The following ALMS1 variants were observed in gnomAD, a reference collection of about 807,000 sequenced individuals.
The protein encoded by ALMS1 is centrosome-associated protein ALMS1.
In ALMS1, 271 loss-of-function variants were observed where a neutral mutation model predicts 352.2. The ratio of observed to expected loss-of-function variants is 0.77; its 90% confidence interval spans 0.70 to 0.85. The LOEUF (loss-of-function observed/expected upper bound fraction) is 0.85. Ranked by LOEUF, ALMS1 falls within the 40% of genes least tolerant of loss-of-function variation. The pLI is 0.00. For missense variants in ALMS1, 5,445 were observed against 4,870.7 expected (o/e 1.12, Z -3.51); for synonymous variants, 1,865 against 1,761.2 (o/e 1.06, Z -1.48).
In ALMS1 at chr2:73,601,719, G is replaced by A. The variant is rs537007909; in HGVS notation, c.12114+283G>A. 9.2e-5 allele frequency among the ~76,000 whole-genome samples: 14 copies of A among 152,382 alleles called. No homozygotes were observed. In the East Asian group the frequency reaches 2.5e-3, roughly 27 times the overall value. On this transcript the variant is annotated intron_variant, in intron 19 of 22. Transcript: ENST00000613296. ...CTGCTTATTGGGCCTGTGGGTCCCT[G>A]TGTGTGGAGGGCCCGGAGGCCTGAC...
In ALMS1 at chr2:73,449,951, A is replaced by G. The variant is rs1558648665; in HGVS notation, c.3424A>G (p.Thr1142Ala). The change falls in exon 8 of 23, where the codon ACT becomes GCT. Residue 1142 changes from threonine to alanine, a missense_variant. Thr to Ala is a moderately conservative substitution (Grantham distance 58). Transcript: ENST00000613296. ...GACTGGCACACCAACTGTAACCTCA[A>G]CTTCCTACTCACAACATAGAGAAAA... ...QKTGTPTVTSTSYSQHREKPS... is the reference protein window; with the variant it reads ...QKTGTPTVTSASYSQHREKPS... 3.1e-6 allele frequency: 5 copies of G among 1,613,812 alleles called. No individual in the cohort carries two copies. Among genetic ancestry groups the G allele is most frequent in the Non-Finnish European group, 4.2e-6 (5 of 1,179,916 alleles).
At chr2:73,489,457 C>T (rs1406664060) in intron 9 of ALMS1, among the ~76,000 whole-genome samples, 177 bp from the exon 10 acceptor site, 1 of 152,136 alleles carries the variant, frequency 6.6e-6, no homozygotes, top group African/African-American at 2.4e-5. Flanking sequence ...CCATTTTATT[C>T]TGTAGTTAAC....
At chr2:73,478,542 C>G (rs914663624) in intron 9 of ALMS1, among the ~76,000 whole-genome samples, 4 of 152,066 alleles carry the variant, frequency 2.6e-5, no homozygotes, top group Non-Finnish European at 2.9e-5. Context: ...CAGGAGGTAT[C>G]AAGGCAATAA....
At chr2:73,576,600 T>G (rs1675058296) in intron 16 of ALMS1, among the ~76,000 whole-genome samples, 1 of 150,104 alleles carries the variant, frequency 6.7e-6, no homozygotes, top group African/African-American at 2.5e-5. Context: ...CTATTGAGAT[T>G]ACTAGTTTTT....
chr2:73,590,016 C>G (rs1675391267), intron 16 of ALMS1, among the ~76,000 whole-genome samples: 1 of 151,672 alleles, frequency 6.6e-6, no homozygotes, highest in Non-Finnish European at 1.5e-5. Context: ...ACTAGTAAAA[C>G]AAGTTTCTAT....
In ALMS1 at chr2:73,460,609, C is replaced by T. The variant is rs560937629; in HGVS notation, c.7674+5314C>T. ...AGTGGGTGTAGGACAGTGGGTGCAG[C>T]GCACCATTCACAAGCCGAAGCAGGG... On this transcript the variant is annotated intron_variant, in intron 9 of 22. Transcript: ENST00000613296. Among the ~76,000 whole-genome samples, 11 of 152,260 alleles carry T rather than the reference C, an allele frequency of 7.2e-5. No individual in the cohort carries two copies. In the East Asian group the frequency reaches 1.2e-3, roughly 16 times the overall value.
At chr2:73,447,838 G>T in intron 7 of ALMS1, 122 bp from the exon 8 acceptor site, 1 of 1,265,720 alleles carries the variant, frequency 7.9e-7, no homozygotes, top group Non-Finnish European at 1.0e-6. Flanking sequence ...CTCCTTTGAT[G>T]GCTGTTTCCT....
intron 12 of ALMS1, among the ~76,000 whole-genome samples, chr2:73,549,337 A>G (rs1042720534): frequency 6.6e-6 from 1 of 151,876 alleles, no homozygotes; most frequent in African/African-American, 2.4e-5. Context: ...TTGTATTGTC[A>G]GATTAATCTT....
At position 73,490,285 on chromosome 2, in the gene ALMS1, A is replaced by T; in HGVS notation, c.8326A>T (p.Met2776Leu). 6.2e-7 allele frequency: 1 copy of T among 1,613,420 alleles called. No individual in the cohort carries two copies. Among genetic ancestry groups the T allele is most frequent in the Non-Finnish European group, 8.5e-7 (1 of 1,179,762 alleles). ...AACCTCTTCCCCTTCATCATTTAAA[A>T]TGCATAGTAATTCACAAGATAAAGA... ...QKTSSPSSFK[M>L]HSNSQDKEVT... The change falls in exon 10 of 23, where the codon ATG becomes TTG. Residue 2776 changes from methionine (M) to leucine (L), a missense_variant. Coordinates refer to ENST00000613296, the MANE Select transcript of ALMS1 (RefSeq NM_001378454.1).
intron 11 of ALMS1, among the ~76,000 whole-genome samples, chr2:73,533,155 TC>T (rs1437130327): frequency 6.6e-6 from 1 of 152,206 alleles, no homozygotes; most frequent in Non-Finnish European, 1.5e-5. Context: ...AAGGACCCTC[TC>T]CTGGAGCAAG....
chr2:73,608,362 G>A, intron 21 of ALMS1, 113 bp from the exon 22 acceptor site: 1 of 857,378 alleles, frequency 1.2e-6, no homozygotes, highest in South Asian at 1.3e-5. Flanking sequence ...TTCTGAGAGG[G>A]ATGAGCTCCT....
chr2:73,487,504 T>G (rs1422585683), intron 9 of ALMS1, among the ~76,000 whole-genome samples: 2 of 152,022 alleles, frequency 1.3e-5, no homozygotes, highest in Non-Finnish European at 2.9e-5. Flanking sequence ...CCAAAGAGGG[T>G]GTCATAGTCC....
At position 73,572,465 on chromosome 2, in the gene ALMS1, C is replaced by T. The variant is rs781331448; in HGVS notation, c.10588C>T (p.Leu3530Phe). Residue 3530 changes from leucine (L) to phenylalanine (F), a missense_variant, in exon 16 of 23, where the codon CTT (leucine) becomes TTT (phenylalanine). Leu to Phe is a conservative substitution (Grantham distance 22). Coordinates refer to ENST00000613296, the MANE Select transcript of ALMS1 (RefSeq NM_001378454.1). Reference sequence around the variant, plus strand: ...ACATAGAGAACACATGTGTCTTCCTCTTCCTTATCAAAACATGGACAAGAC... The same window carrying T: ...ACATAGAGAACACATGTGTCTTCCTTTTCCTTATCAAAACATGGACAAGAC... ...DKHREHMCLP[L>F]PYQNMDKTKT... is the part of the protein sequence containing the mutation. 5 of 1,613,948 alleles carry T rather than the reference C, an allele frequency of 3.1e-6. No homozygotes were observed. The highest frequency in any genetic ancestry group is 1.6e-4 in the Middle Eastern group (1 of 6,062).
rs988069805 is a variant in ALMS1, at chr2:73,387,250, G to T, written c.324+1058G>T. Among the ~76,000 whole-genome samples, 5 of 152,252 alleles carry T rather than the reference G, an allele frequency of 3.3e-5. No individual in the cohort carries two copies. In the East Asian group the frequency reaches 9.6e-4, roughly 29 times the overall value. ...GAATTCACCATGTGCCACACATTGT[G>T]CTGGGTGCTAAGGAAAGCTTGGTGA... is the stretch of plus-strand genomic sequence containing the variant. On this transcript the variant is annotated intron_variant, in intron 1 of 22. Transcript: ENST00000613296.
chr2:73,566,070 A>G (rs1379778058), intron 15 of ALMS1, among the ~76,000 whole-genome samples: 1 of 152,186 alleles, frequency 6.6e-6, no homozygotes, highest in East Asian at 1.9e-4. Context: ...GTAAGGTGTT[A>G]ATAGGGGAAA....
At chr2:73,535,071 C>T (rs1673999159) in intron 12 of ALMS1, 122 bp downstream of exon 12, 2 of 1,234,022 alleles carry the variant, frequency 1.6e-6, no homozygotes, top group Non-Finnish European at 1.2e-6. Context: ...TGGAACTTTT[C>T]ATACCTTGAT....
intron 11 of ALMS1, among the ~76,000 whole-genome samples, chr2:73,520,287 AAGTAGTTCATAAC>A (rs1363704612): frequency 6.6e-6 from 1 of 152,214 alleles, no homozygotes; most frequent in African/African-American, 2.4e-5. Context: ...ATAAAAATGC[AAGTAGTTCATAAC>A]AACTTGAAAG....
At chr2:73,608,671 GA>G in intron 22 of ALMS1, 97 bp downstream of exon 22, 2 of 954,792 alleles carry the variant, frequency 2.1e-6, no homozygotes, top group South Asian at 2.7e-5. Context: ...AAGTCAGAAT[GA>G]ACCGCATTTG....
In ALMS1 at chr2:73,575,836, G is replaced by A. The variant is rs1675041326; in HGVS notation, c.11547+2412G>A. ...ACATATAGAAGTTTTAAATTTTGAT[G>A]TAGTCCAATTTAGCTATTTTTTTTT... On this transcript the variant is annotated intron_variant, in intron 16 of 22. Coordinates refer to ENST00000613296, the MANE Select transcript of ALMS1 (RefSeq NM_001378454.1). Among the ~76,000 whole-genome samples the A allele has an allele frequency of 2.8e-5, 4 of 143,850 alleles. No homozygotes were observed. In the South Asian group the frequency reaches 8.6e-4, roughly 31 times the overall value. The allele number at this position is 143,850 out of a possible 152,430, so 94.4% of individuals were successfully genotyped here.
Sources: allele counts gnomAD v4.1 joint callset (sites outside exome capture counted in the v4.1 genomes callset), GRCh38; gene constraint gnomAD v4.1.1; transcripts MANE v1.5; gene names NCBI Gene and HGNC (gene_info 2026-07-23, HGNC 2026-07-21).